The following IQGAP2 variants were observed in gnomAD, a reference collection of about 807,000 sequenced individuals.
IQGAP2 encodes the protein IQ motif containing GTPase activating protein 2.
Under a neutral mutation model 201.3 loss-of-function variants are expected in IQGAP2, and 173 were observed. The ratio of observed to expected loss-of-function variants is 0.86; its 90% confidence interval spans 0.76 to 0.98. IQGAP2 has a LOEUF of 0.98. Ranked by LOEUF, IQGAP2 falls within the 50% of genes least tolerant of loss-of-function variation. IQGAP2 has a pLI of 0.00. For synonymous variants in IQGAP2, 675 were observed against 673.9 expected, an observed-to-expected ratio of 1.00 and a Z score of -0.03; for missense variants, 1,687 against 1,864.8, an observed-to-expected ratio of 0.90 and a Z score of 1.76.
intron 2 of IQGAP2, among the ~76,000 whole-genome samples, chr5:76,501,791 C>T (rs1757294061): frequency 1.3e-5 from 2 of 151,968 alleles, no homozygotes; most frequent in African/African-American, 4.8e-5. Context: ...TACAGGCATG[C>T]ACCACCACAC....
At chr5:76,641,461 C>T (rs900204220) in intron 17 of IQGAP2, among the ~76,000 whole-genome samples, 1 of 152,100 alleles carries the variant, frequency 6.6e-6, no homozygotes, top group African/African-American at 2.4e-5. Flanking sequence ...TGTTGAGTGG[C>T]GTCTTAGTTT....
chr5:76,498,506 G>GAGTC (rs1757107090), intron 2 of IQGAP2, among the ~76,000 whole-genome samples: 1 of 152,190 alleles, frequency 6.6e-6, no homozygotes. Flanking sequence ...GAAAAGCAGG[G>GAGTC]AGTCGGTTTG....
chr5:76,427,579 G>A (rs970672979), intron 1 of IQGAP2, among the ~76,000 whole-genome samples: 1 of 152,130 alleles, frequency 6.6e-6, no homozygotes, highest in Non-Finnish European at 1.5e-5. Context: ...TGACAGAAAC[G>A]TTCCATTTTA....
intron 2 of IQGAP2, among the ~76,000 whole-genome samples, chr5:76,503,283 C>A (rs1327243080): frequency 6.7e-6 from 1 of 150,062 alleles, no homozygotes; most frequent in Non-Finnish European, 1.5e-5. Context: ...AAGCAATTCT[C>A]CTGCCTCAGC....
Position 76,652,742 on chromosome 5 carries a change from T to C in IQGAP2, c.2095-8T>C. ...GTAAATAATTCTATAACCCACTCTT[T>C]TCCTTAGGCTTTTTGGAAAGGATAT... On this transcript the variant is annotated splice_region_variant and splice_polypyrimidine_tract_variant and intron_variant, in intron 17 of 35. Coordinates refer to ENST00000274364, the MANE Select transcript of IQGAP2 (RefSeq NM_006633.5). 3 of 1,599,272 alleles carry C rather than the reference T, an allele frequency of 1.9e-6. No individual in the cohort carries two copies. The highest frequency in any genetic ancestry group is 2.6e-6 in the Non-Finnish European group (3 of 1,166,496).
chr5:76,698,096 T>C lies in IQGAP2; in HGVS notation c.4316T>C (p.Ile1439Thr). 6.2e-7 allele frequency: 1 copy of C among 1,611,350 alleles called. No individual in the cohort carries two copies. The highest frequency in any genetic ancestry group is 8.5e-7 in the Non-Finnish European group (1 of 1,177,650). ...NKKAAFYEEQINYYDTYIKTC... is the reference protein window; with the variant it reads ...NKKAAFYEEQTNYYDTYIKTC... ...AAGGCAGCATTTTATGAAGAGCAAA[T>C]CAATTATTATGACACCTACATAAAG... The change falls in exon 33 of 36, where the codon ATC becomes ACC. Residue 1439 changes from isoleucine (I) to threonine (T), a missense_variant. Physicochemically the swap from Ile to Thr is moderately conservative, Grantham distance 89 (BLOSUM62 -1). Transcript: ENST00000274364.
chr5:76,697,836 G>A (rs952851618), intron 32 of IQGAP2, 151 bp from the exon 33 acceptor site: 10 of 557,220 alleles, frequency 1.8e-5, no homozygotes, highest in Non-Finnish European at 2.9e-5. Context: ...GAACCCTGTG[G>A]TGTTGAGAGT....
intron 2 of IQGAP2, among the ~76,000 whole-genome samples, chr5:76,556,013 G>A (rs950977474): frequency 2.0e-5 from 3 of 152,268 alleles, no homozygotes; most frequent in Non-Finnish European, 2.9e-5. Flanking sequence ...GTTTGTTGTC[G>A]CCTGCCAGGA....
rs748970412 is a variant in IQGAP2 at position 76,623,201 on chromosome 5, GCC to G, written c.1522-4208_1522-4207del. ...AAAAAGTGGGCAACAGAAGCAGGAG[GCC>G]AGCAGCTGCAAAGATGAGGGCTTTC... On this transcript the variant is annotated intron_variant, in intron 13 of 35. Transcript: ENST00000274364. 14 of 1,614,170 alleles carry G rather than the reference GCC, an allele frequency of 8.7e-6. No individual in the cohort carries two copies. In the African/African-American group the frequency reaches 1.6e-4, roughly 18 times the overall value.
At chr5:76,495,277 G>C (rs1756815615) in intron 2 of IQGAP2, among the ~76,000 whole-genome samples, 1 of 152,246 alleles carries the variant, frequency 6.6e-6, no homozygotes, top group Admixed American at 6.5e-5. Flanking sequence ...TGCTCTGCAT[G>C]TTCATGCTTT....
At chr5:76,418,075 C>T (rs892304931) in intron 1 of IQGAP2, among the ~76,000 whole-genome samples, 3 of 151,344 alleles carry the variant, frequency 2.0e-5, no homozygotes, top group African/African-American at 7.3e-5. Flanking sequence ...GGCATGGTGG[C>T]GGGCACCTGT....
At chr5:76,693,478 G>A (rs1746458004) in intron 31 of IQGAP2, 36 bp downstream of exon 31, 1 of 1,284,446 alleles carries the variant, frequency 7.8e-7, no homozygotes, top group Admixed American at 1.8e-5. Flanking sequence ...ATAATAGACA[G>A]GTGTTGATTT....
intron 2 of IQGAP2, among the ~76,000 whole-genome samples, chr5:76,476,131 G>A (rs1755406512): frequency 6.6e-6 from 1 of 152,212 alleles, no homozygotes; most frequent in South Asian, 2.1e-4. Flanking sequence ...TTTCCAGGTA[G>A]TGATAACGTG....
intron 3 of IQGAP2, among the ~76,000 whole-genome samples, chr5:76,567,137 G>C (rs1385875005): frequency 6.6e-6 from 1 of 152,336 alleles, no homozygotes. Context: ...GTGAACTGTA[G>C]AATCAAAATA....
intron 1 of IQGAP2, among the ~76,000 whole-genome samples, chr5:76,446,542 GCCCTCCTTCTGTGTTTCTAGAA>G (rs1271029098): frequency 1.3e-5 from 2 of 152,108 alleles, no homozygotes; most frequent in Admixed American, 1.3e-4. Flanking sequence ...TACCAGCAAA[GCCCTCCTTCTGTGTTTCTAGAA>G]CCCTCCTTCT....
chr5:76,427,341 TGG>T (rs1752067935), intron 1 of IQGAP2, among the ~76,000 whole-genome samples: 1 of 152,200 alleles, frequency 6.6e-6, no homozygotes, highest in Non-Finnish European at 1.5e-5. Context: ...TACCATTTAC[TGG>T]ACCAATTAGT....
chr5:76,698,599 C>A, intron 33 of IQGAP2, among the ~76,000 whole-genome samples: 1 of 152,098 alleles, frequency 6.6e-6, no homozygotes, highest in Admixed American at 6.5e-5. Context: ...ATTATTGACA[C>A]AACTGGCAAA....
intron 1 of IQGAP2, among the ~76,000 whole-genome samples, chr5:76,455,453 C>CAAAAAAAAAAAAAAAAAAAAA (rs59978990): frequency 1.2e-5 from 1 of 81,234 alleles, no homozygotes; most frequent in Non-Finnish European, 2.4e-5. Flanking sequence ...GACTCTGTCT[C>CAAAAAAAAAAAAAAAAAAAAA]AAAAAAAAAA....
intron 12 of IQGAP2, 137 bp downstream of exon 12, chr5:76,606,440 AT>A: frequency 1.8e-6 from 1 of 555,556 alleles, no homozygotes; most frequent in Non-Finnish European, 3.0e-6. Flanking sequence ...GCATACCTTT[AT>A]TTATAGGTAG....
Sources: gnomAD v4.1 joint callset for allele counts (sites outside exome capture counted in the v4.1 genomes callset) on GRCh38, gnomAD v4.1.1 for gene constraint, MANE v1.5 for transcripts, NCBI Gene and HGNC (gene_info 2026-07-23, HGNC 2026-07-21) for gene names.